EPB41L4A: variants seen among roughly 807,000 people sequenced by gnomAD.
EPB41L4A encodes band 4.1-like protein 4A.
Under a neutral mutation model 108.6 loss-of-function variants are expected in EPB41L4A, and 100 were observed. That is an observed-to-expected ratio of 0.92 (90% CI 0.78 to 1.09). EPB41L4A has a LOEUF of 1.09. Among genes scored for constraint, EPB41L4A ranks in the 50% least tolerant of loss-of-function variants. The pLI is 0.00. For missense variants in EPB41L4A, 1,030 were observed against 842.7 expected, an observed-to-expected ratio of 1.22 and a Z score of -2.75; for synonymous variants, 319 against 289.0, an observed-to-expected ratio of 1.10 and a Z score of -1.05.
At chr5:112,234,286 G>A (rs1239298783) in intron 12 of EPB41L4A, among the ~76,000 whole-genome samples, 1 of 151,406 alleles carries the variant, frequency 6.6e-6, no homozygotes, top group African/African-American at 2.4e-5. Context: ...GCTACCTGAG[G>A]TCAGAACATC....
intron 21 of EPB41L4A, 73 bp from the exon 22 acceptor site, chr5:112,168,893 A>G: frequency 1.3e-6 from 2 of 1,495,132 alleles, no homozygotes; most frequent in South Asian, 1.1e-5. Context: ...GAAGAGAACT[A>G]CAGTGTAGAT....
At position 112,240,817 on chromosome 5, in the gene EPB41L4A, GAGAA is replaced by G. The variant is rs754080816; in HGVS notation, c.796-11_796-8del. On this transcript the variant is annotated splice_region_variant and splice_polypyrimidine_tract_variant and intron_variant, in intron 9 of 22. Coordinates refer to ENST00000261486, the MANE Select transcript of EPB41L4A (RefSeq NM_022140.5). ...AGAATGAGGTTTCGTTACACTAAGA[GAGAA>G]AGAGAGACAGAATATGAATAATGAC... is the stretch of plus-strand genomic sequence containing the variant. 34 of 1,535,930 alleles carry G rather than the reference GAGAA, an allele frequency of 2.2e-5. No individual in the cohort carries two copies. In the East Asian group the frequency reaches 3.2e-4, roughly 15 times the overall value.
At chr5:112,264,768 T>C (rs1281900463) in intron 6 of EPB41L4A, 128 bp downstream of exon 6, 2 of 880,970 alleles carry the variant, frequency 2.3e-6, no homozygotes, top group African/African-American at 1.7e-5. Flanking sequence ...AGTTAAACTA[T>C]ACAAAGAGGA....
chr5:112,170,076 T>C (rs764052889), intron 20 of EPB41L4A: 1 of 530,832 alleles, frequency 1.9e-6, no homozygotes, highest in Non-Finnish European at 3.3e-6. Context: ...AGCCCCCTTG[T>C]ACCTACCAAG....
At chr5:112,329,667 A>C (rs947424489) in intron 1 of EPB41L4A, among the ~76,000 whole-genome samples, 2 of 152,184 alleles carry the variant, frequency 1.3e-5, no homozygotes, top group Non-Finnish European at 2.9e-5. Flanking sequence ...TTATCTGTTC[A>C]GTGGCTCCAC....
At chr5:112,201,423 G>A (rs1762213297) in intron 15 of EPB41L4A, among the ~76,000 whole-genome samples, 1 of 152,130 alleles carries the variant, frequency 6.6e-6, no homozygotes, top group African/African-American at 2.4e-5. Flanking sequence ...GGATTTGGGA[G>A]TGTATATGCT....
At chr5:112,394,537 T>C (rs1761196434) in intron 1 of EPB41L4A, among the ~76,000 whole-genome samples, 2 of 152,182 alleles carry the variant, frequency 1.3e-5, no homozygotes, top group African/African-American at 4.8e-5. Context: ...TTGCAAGGGA[T>C]GTGAAGGACC....
chr5:112,200,366 T>C (rs1373116649), intron 15 of EPB41L4A, among the ~76,000 whole-genome samples: 5 of 152,216 alleles, frequency 3.3e-5, no homozygotes, highest in Non-Finnish European at 7.3e-5. Context: ...TAAAAATTTA[T>C]CATGCATTAC....
intron 4 of EPB41L4A, among the ~76,000 whole-genome samples, chr5:112,271,263 C>T (rs1266670272): frequency 6.6e-6 from 1 of 152,194 alleles, no homozygotes; most frequent in Non-Finnish European, 1.5e-5. Flanking sequence ...CTTAAACATG[C>T]AAGAAGACCT....
chr5:112,407,718 C>T (rs1332625793), intron 1 of EPB41L4A, among the ~76,000 whole-genome samples: 1 of 152,146 alleles, frequency 6.6e-6, no homozygotes, highest in Non-Finnish European at 1.5e-5. Flanking sequence ...CTTAACAGAA[C>T]ATAAATAACA....
intron 18 of EPB41L4A, among the ~76,000 whole-genome samples, chr5:112,171,258 T>G (rs1316208457): frequency 6.6e-6 from 1 of 152,234 alleles, no homozygotes; most frequent in Non-Finnish European, 1.5e-5. Flanking sequence ...CAGGGTCATA[T>G]GCCTCCCCAT....
At position 112,337,552 on chromosome 5, in the gene EPB41L4A, C is replaced by T. The variant is rs143010702; in HGVS notation, c.100-30062G>A. Among the ~76,000 whole-genome samples, 335 of 152,194 alleles carry T rather than the reference C, an allele frequency of 2.2e-3. 1 individual carries two copies. The highest frequency in any genetic ancestry group is 7.8e-3 in the African/African-American group (322 of 41,524). On this transcript the variant is annotated intron_variant, in intron 1 of 22. Coordinates refer to ENST00000261486, the MANE Select transcript of EPB41L4A (RefSeq NM_022140.5). The stretch of plus-strand genomic sequence containing the variant: ...CTGTCTCCTTTCATAGACAAAAGGA[C>T]GGAGGCTCAGAGAAGCAAAGTGATT...
At chr5:112,412,910 G>A (rs1052165932) in intron 1 of EPB41L4A, among the ~76,000 whole-genome samples, 5 of 152,218 alleles carry the variant, frequency 3.3e-5, no homozygotes, top group Admixed American at 2.6e-4. Flanking sequence ...AATATTTAAT[G>A]TATTTACACC....
At chr5:112,322,357 C>T (rs766246120) in intron 1 of EPB41L4A, among the ~76,000 whole-genome samples, 1 of 152,176 alleles carries the variant, frequency 6.6e-6, no homozygotes, top group African/African-American at 2.4e-5. Context: ...AACATGCACT[C>T]ATATTTTACT....
At chr5:112,333,286 G>A (rs188872937) in intron 1 of EPB41L4A, among the ~76,000 whole-genome samples, 11 of 151,952 alleles carry the variant, frequency 7.2e-5, no homozygotes, top group Non-Finnish European at 1.5e-4. Context: ...TATATTGGGG[G>A]GTGGGAGAGG....
upstream of EPB41L4A, chr5:112,419,481 G>C (rs1334504039): frequency 5.4e-6 from 2 of 367,086 alleles, no homozygotes; most frequent in East Asian, 7.4e-5. Context: ...CCCTCCTGCC[G>C]CACGGATTTG....
At chr5:112,304,095 T>C (rs1205129397) in intron 2 of EPB41L4A, among the ~76,000 whole-genome samples, 1 of 152,076 alleles carries the variant, frequency 6.6e-6, no homozygotes, top group African/African-American at 2.4e-5. Context: ...TCTGATTGCT[T>C]TTATTGTCTT....
At chr5:112,264,487 A>G (rs1751710149) in intron 6 of EPB41L4A, 1 of 153,346 alleles carries the variant, frequency 6.5e-6, no homozygotes. Flanking sequence ...GTGATTAAAC[A>G]TATTTATAGC....
chr5:112,294,921 T>C (rs1471118850), intron 2 of EPB41L4A, among the ~76,000 whole-genome samples: 3 of 150,192 alleles, frequency 2.0e-5, no homozygotes, highest in African/African-American at 7.3e-5. Context: ...ACCATCAAAG[T>C]CGCCTTTCTG....
Sources: gnomAD v4.1 joint callset for allele counts (sites outside exome capture counted in the v4.1 genomes callset) on GRCh38, gnomAD v4.1.1 for gene constraint, MANE v1.5 for transcripts, NCBI Gene and HGNC (gene_info 2026-07-23, HGNC 2026-07-21) for gene names.